Variants in RHCE observed in about 807,000 individuals in gnomAD.
The protein encoded by RHCE is Rh blood group CcEe antigens, also known as blood group Rh(CE) polypeptide.
In RHCE, 22 loss-of-function variants were observed where a neutral mutation model predicts 43.8. The observed-to-expected ratio is 0.50, with a 90% CI of 0.36 to 0.72. The LOEUF (loss-of-function observed/expected upper bound fraction) is 0.72, where lower values mean the gene tolerates loss of function less well. Among genes scored for constraint, RHCE ranks in the 30% least tolerant of loss-of-function variants. The pLI, the probability that RHCE is intolerant of heterozygous loss-of-function variation, is 0.00. For missense variants in RHCE, 385 were observed against 525.4 expected (o/e 0.73, Z 2.61); for synonymous variants, 156 against 210.7 (o/e 0.74, Z 2.25).
intron 7 of RHCE, among the ~76,000 whole-genome samples, chr1:25,385,106 T>G (rs1173535070): frequency 7.9e-5 from 12 of 152,188 alleles, no homozygotes; most frequent in Admixed American, 7.9e-4. Flanking sequence ...AACTGACCAT[T>G]GCTGTCCACT....
At chr1:25,374,327 ATCT>A (rs1645720078) in intron 8 of RHCE, among the ~76,000 whole-genome samples, 1 of 151,946 alleles carries the variant, frequency 6.6e-6, no homozygotes, top group Non-Finnish European at 1.5e-5. Flanking sequence ...ACCTCAGATG[ATCT>A]GCCCACTTCG....
rs35480550 is a variant in RHCE at position 25,402,759 on chromosome 1, A to C, written c.336-13T>G. ...GGCCAGCCGAATACTGGGGGTGAGA[A>C]GGAGAGCCAGGATGACTGAGAAGGA... On this transcript the variant is annotated splice_polypyrimidine_tract_variant and intron_variant, in intron 2 of 9. Transcript: ENST00000294413. 1.9e-6 allele frequency: 3 copies of C among 1,614,144 alleles called. No homozygotes were observed. Among genetic ancestry groups the C allele is most frequent in the Non-Finnish European group, 2.5e-6 (3 of 1,180,018 alleles).
intron 2 of RHCE, among the ~76,000 whole-genome samples, chr1:25,406,254 T>C (rs55991356): frequency 0.32 from 25,968 of 82,046 alleles, 7,649 homozygotes; most frequent in East Asian, 0.78. Flanking sequence ...TGCGTGCGTG[T>C]GTGTGTGTGT....
chr1:25,379,334 G>A (rs1645885118), intron 7 of RHCE, among the ~76,000 whole-genome samples: 1 of 150,922 alleles, frequency 6.6e-6, no homozygotes, highest in Non-Finnish European at 1.5e-5. Flanking sequence ...ATATGAATTT[G>A]GAGATTAAGT....
chr1:25,392,219 G>C, intron 3 of RHCE, 78 bp from the exon 4 acceptor site: 1 of 1,610,224 alleles, frequency 6.2e-7, no homozygotes, highest in Non-Finnish European at 8.5e-7. Flanking sequence ...CTTGGAGAAA[G>C]TTCAGAGCTT....
chr1:25,376,142 G>A (rs1244327277), intron 7 of RHCE, among the ~76,000 whole-genome samples: 3 of 151,938 alleles, frequency 2.0e-5, no homozygotes, highest in South Asian at 2.1e-4. Flanking sequence ...ATTTCTCTTG[G>A]GGCAAGGTGG....
chr1:25,423,651 A>G (rs1390528864), upstream of RHCE, among the ~76,000 whole-genome samples: 1 of 152,224 alleles, frequency 6.6e-6, no homozygotes, highest in Non-Finnish European at 1.5e-5. Flanking sequence ...TCTGACTCTT[A>G]TAAAAGGCCC....
chr1:25,406,691 T>C (rs569322709), intron 2 of RHCE, among the ~76,000 whole-genome samples: 5 of 113,792 alleles, frequency 4.4e-5, no homozygotes, highest in African/African-American at 1.3e-4. Context: ...AGTGGCACGA[T>C]CTCGGCTCAC....
At chr1:25,425,892 G>A (rs530262028) in intron 2 of RHCE, among the ~76,000 whole-genome samples, 28 of 152,336 alleles carry the variant, frequency 1.8e-4, no homozygotes, top group African/African-American at 5.3e-4. Context: ...CTCTGGGCAC[G>A]TTTGGCTAAA....
At chr1:25,418,613 C>G (rs1311332208) in intron 1 of RHCE, among the ~76,000 whole-genome samples, 2 of 152,220 alleles carry the variant, frequency 1.3e-5, no homozygotes, top group Non-Finnish European at 2.9e-5. Flanking sequence ...CCTTGCTTCT[C>G]TTTTTAGGCT....
intron 2 of RHCE, among the ~76,000 whole-genome samples, chr1:25,427,871 AGAGGAGATCTTG>A (rs2042817288): frequency 6.6e-6 from 1 of 152,240 alleles, no homozygotes; most frequent in Admixed American, 6.5e-5. Context: ...CACCACCTCC[AGAGGAGATCTTG>A]GCACAGGGTG....
rs574860512 is a variant in RHCE, at chr1:25,396,446, T to G, written c.487-4305A>C. On this transcript the variant is annotated intron_variant, in intron 3 of 9. Coordinates refer to ENST00000294413, the MANE Select transcript of RHCE (RefSeq NM_020485.8). ...AGAATGTCCCCTTGTTTTAGGAAAT[T>G]GTGTTAGTCTGTTTTCACACTGCTA... Among the ~76,000 whole-genome samples, 202 of 152,342 alleles carry G rather than the reference T, an allele frequency of 1.3e-3. 2 individuals carry two copies. Among genetic ancestry groups the G allele is most frequent in the Non-Finnish European group, 2.4e-3 (161 of 68,030 alleles).
chr1:25,381,458 T>TA (rs111244931), intron 7 of RHCE, among the ~76,000 whole-genome samples: 2 of 114,822 alleles, frequency 1.7e-5, no homozygotes, highest in African/African-American at 9.7e-5. Context: ...TTTCTTTTTC[T>TA]TTTTTTTTTT....
intron 1 of RHCE, among the ~76,000 whole-genome samples, chr1:25,409,073 G>A (rs596447): frequency 2.0e-4 from 24 of 122,872 alleles, no homozygotes; most frequent in East Asian, 4.0e-4. Flanking sequence ...TGGGGATAAG[G>A]TAAGGATTAG....
intron 3 of RHCE, chr1:25,399,179 T>A: frequency 9.6e-7 from 1 of 1,039,592 alleles, no homozygotes; most frequent in Non-Finnish European, 1.5e-6. Context: ...GCAAAGCTGT[T>A]GCCATGCTGT....
At chr1:25,404,129 C>T (rs1339854294) in intron 2 of RHCE, among the ~76,000 whole-genome samples, 3 of 146,638 alleles carry the variant, frequency 2.0e-5, no homozygotes, top group African/African-American at 7.7e-5. Flanking sequence ...GATTGCACCA[C>T]TGCACTCCAG....
chr1:25,427,622 T>C lies in RHCE; in HGVS notation c.-40+1331A>G, dbSNP rs531828339. Among the ~76,000 whole-genome samples, 107 of 152,304 alleles carry C rather than the reference T, an allele frequency of 7.0e-4. 1 individual carries two copies. Among genetic ancestry groups the C allele is most frequent in the African/African-American group, 2.3e-3 (96 of 41,564 alleles). On this transcript the variant is annotated intron_variant, in intron 2 of 11. Coordinates refer to the RHCE transcript ENST00000349320. ...CTGGAGGAGTGAAAGAGGAAGAGTA[T>C]GGAGATGGGCAGTCCTGCTCTGGCC...
chr1:25,379,487 ATATATATATTTTTTTTTT>A (rs1486833324), intron 7 of RHCE, among the ~76,000 whole-genome samples: 155 of 20,848 alleles, frequency 7.4e-3, no homozygotes, highest in African/African-American at 0.017. Flanking sequence ...ATATATATAT[ATATATATATTTTTTTTTT>A]TTTTTTTTTT....
At chr1:25,410,846 A>G (rs979866466) in intron 1 of RHCE, among the ~76,000 whole-genome samples, 1 of 152,018 alleles carries the variant, frequency 6.6e-6, no homozygotes, top group African/African-American at 2.4e-5. Flanking sequence ...AAAAATACCA[A>G]TTTAGGAGGA....
Sources: allele counts gnomAD v4.1 joint callset (sites outside exome capture counted in the v4.1 genomes callset), GRCh38; gene constraint gnomAD v4.1.1; transcripts MANE v1.5; gene names NCBI Gene and HGNC (gene_info 2026-07-23, HGNC 2026-07-21).